Variants in FRY observed in about 807,000 individuals in gnomAD.
FRY encodes the protein FRY microtubule binding protein.
Under a neutral mutation model 348.4 loss-of-function variants are expected in FRY, and 128 were observed. That is an observed-to-expected ratio of 0.37 (90% CI 0.32 to 0.43). The LOEUF is 0.43. Among genes scored for constraint, FRY ranks in the 20% least tolerant of loss-of-function variants. The probability of loss-of-function intolerance (pLI) is 1.00; values close to 1 mark genes in which losing one functional copy is unlikely to be tolerated. For missense variants in FRY, 2,736 were observed against 3,695.2 expected, an observed-to-expected ratio of 0.74 and a Z score of 6.73; for synonymous variants, 1,370 against 1,374.7, an observed-to-expected ratio of 1.00 and a Z score of 0.08.
rs138115983 is a variant in FRY, at chr13:32,056,348, A to C, written c.71-22486A>C. Among the ~76,000 whole-genome samples the C allele has an allele frequency of 9.9e-4, 151 of 152,300 alleles. 1 individual carries two copies. Among genetic ancestry groups the C allele is most frequent in the Non-Finnish European group, 1.6e-3 (108 of 68,012 alleles). On this transcript the variant is annotated intron_variant, in intron 1 of 60. Transcript: ENST00000542859. ...GCTGCTTCACCAGTAGCTTGCTGTC[A>C]GAGGTACCCTGTGCCAAAACAAACC...
intron 3 of FRY, among the ~76,000 whole-genome samples, chr13:32,109,967 G>A (rs1390533573): frequency 6.6e-6 from 1 of 152,134 alleles, no homozygotes; most frequent in African/African-American, 2.4e-5. Context: ...TGCTCTCTAG[G>A]GCAGGGATGG....
chr13:32,045,765 A>G (rs1566042950), intron 1 of FRY, among the ~76,000 whole-genome samples: 1 of 152,186 alleles, frequency 6.6e-6, no homozygotes, highest in African/African-American at 2.4e-5. Flanking sequence ...ATGAGGTAGG[A>G]GTATTACTGT....
chr13:32,282,505 G>T (rs900927183), intron 58 of FRY, among the ~76,000 whole-genome samples: 3 of 152,210 alleles, frequency 2.0e-5, no homozygotes, highest in African/African-American at 7.2e-5. Flanking sequence ...ATATCAGTCT[G>T]TCAGAGATGG....
intron 1 of FRY, among the ~76,000 whole-genome samples, chr13:32,038,098 A>G (rs204128): frequency 0.024 from 3,671 of 152,214 alleles, 153 homozygotes; most frequent in African/African-American, 0.085. Flanking sequence ...TTAATTAGCT[A>G]GTTTCTTCTT....
chr13:32,216,508 C>T (rs1884999339), intron 35 of FRY, among the ~76,000 whole-genome samples: 1 of 152,168 alleles, frequency 6.6e-6, no homozygotes, highest in Admixed American at 6.5e-5. Flanking sequence ...GGGTGCAGGC[C>T]CTCCAGGGCA....
chr13:32,239,963 C>A lies in FRY; in HGVS notation c.6687+82C>A. ...TCTCAACTCTTGGGCTCAAGCAGTC[C>A]TCCTGCCTTCGCCTCCCAGAGTGCT... On this transcript the variant is annotated intron_variant, in intron 46 of 60. Coordinates refer to ENST00000542859, the MANE Select transcript of FRY (RefSeq NM_023037.3). The surrounding 1 kb of genome is among the most constrained non-coding windows in gnomAD (Gnocchi z 4.3). 8.1e-7 allele frequency: 1 copy of A among 1,229,818 alleles called. No homozygotes were observed. The allele number at this position is 1,229,818 out of a possible 1,614,324, so 76.2% of individuals were successfully genotyped here.
At chr13:32,061,145 A>G (rs768345190) in intron 1 of FRY, 4 of 533,442 alleles carry the variant, frequency 7.5e-6, no homozygotes, top group Non-Finnish European at 1.5e-5. Context: ...CTGTGTGATC[A>G]GCTTCATAAA....
At chr13:32,260,613 G>A (rs1196331159) in intron 51 of FRY, among the ~76,000 whole-genome samples, 1 of 152,162 alleles carries the variant, frequency 6.6e-6, no homozygotes, top group Non-Finnish European at 1.5e-5. Flanking sequence ...AGTGGCTCAC[G>A]CCTGTAATCT....
chr13:32,212,890 T>A (rs1240749600), intron 35 of FRY, among the ~76,000 whole-genome samples: 1 of 152,126 alleles, frequency 6.6e-6, no homozygotes, highest in African/African-American at 2.4e-5. Flanking sequence ...AATAATAATA[T>A]TTCCCCTATA....
At chr13:32,091,874 G>A (rs1411847288) in intron 2 of FRY, among the ~76,000 whole-genome samples, 1 of 152,158 alleles carries the variant, frequency 6.6e-6, no homozygotes, top group Non-Finnish European at 1.5e-5. Context: ...AAGTTGAGAG[G>A]ACCTAGGATT....
chr13:32,092,799 T>A (rs1394964541), intron 2 of FRY, among the ~76,000 whole-genome samples: 2 of 152,172 alleles, frequency 1.3e-5, no homozygotes, highest in Non-Finnish European at 2.9e-5. Flanking sequence ...AAATCCAGTC[T>A]GCAAATGGGG....
At chr13:32,211,229 G>A (rs1884666007) in intron 34 of FRY, among the ~76,000 whole-genome samples, 195 bp downstream of exon 34, 1 of 152,348 alleles carries the variant, frequency 6.6e-6, no homozygotes, top group Non-Finnish European at 1.5e-5. Context: ...CAGCACTTTG[G>A]GAGGCTGAGG....
chr13:32,292,817 T>TAAAC (rs1171890999), intron 59 of FRY, among the ~76,000 whole-genome samples: 1 of 151,344 alleles, frequency 6.6e-6, no homozygotes. Flanking sequence ...AATAAATAAA[T>TAAAC]AAATAAATAA....
In FRY at chr13:32,184,981, A is replaced by T; in HGVS notation, c.3152A>T (p.Asn1051Ile). ...ADAGVISDSTNGALERDTLAL... is the reference protein window; with the variant it reads ...ADAGVISDSTIGALERDTLAL... Reference sequence around the variant, plus strand: ...TTCATTTTCCTTTATTCCAGCACAAATGGAGCCCTAGAGCGGGATACTTTA... The same window carrying T: ...TTCATTTTCCTTTATTCCAGCACAATTGGAGCCCTAGAGCGGGATACTTTA... The change falls in exon 26 of 61, where the codon AAT (asparagine) becomes ATT (isoleucine). Residue 1051 changes from asparagine to isoleucine, a missense_variant. Physicochemically the swap from Asn to Ile is moderately radical, Grantham distance 149. Coordinates refer to ENST00000542859, the MANE Select transcript of FRY (RefSeq NM_023037.3). The T allele has an allele frequency of 1.2e-6, 2 of 1,613,614 alleles. No homozygotes were observed. Among genetic ancestry groups the T allele is most frequent in the African/African-American group, 2.7e-5 (2 of 75,030 alleles).
At chr13:32,219,759 A>C (rs1885217842) in intron 36 of FRY, among the ~76,000 whole-genome samples, 1 of 152,104 alleles carries the variant, frequency 6.6e-6, no homozygotes, top group African/African-American at 2.4e-5. Context: ...TTGGCGGTTC[A>C]ACATTTCCAC....
intron 41 of FRY, among the ~76,000 whole-genome samples, chr13:32,233,642 C>T (rs1886040931): frequency 6.6e-6 from 1 of 152,214 alleles, no homozygotes; most frequent in Admixed American, 6.5e-5. Flanking sequence ...CCACTAACAG[C>T]TTTCCTCTCT....
Position 32,295,326 on chromosome 13 carries a change from C to A in FRY, c.8908C>A (p.Gln2970Lys), listed in dbSNP as rs1889579342. 6.3e-7 allele frequency: 1 copy of A among 1,580,002 alleles called. No individual in the cohort carries two copies. The highest frequency in any genetic ancestry group is 1.1e-5 in the South Asian group (1 of 89,372). ...TGTYALVGSN[Q>K]SLTEICTKLM... Reference sequence around the variant, plus strand: ...TACTTATGCCCTGGTGGGGTCTAACCAGAGCCTGACCGAGATCTGCACCAA... The same window carrying A: ...TACTTATGCCCTGGTGGGGTCTAACAAGAGCCTGACCGAGATCTGCACCAA... Residue 2970 changes from glutamine (Q) to lysine (K), a missense_variant, in exon 61 of 61, where the codon CAG becomes AAG. This residue lies in a region of FRY where 157 missense variants were observed against 215.2 expected (regional missense o/e 0.73). Transcript: ENST00000542859.
Position 32,124,894 on chromosome 13 carries a change from C to A in FRY, c.716+19C>A. 6.4e-7 allele frequency: 1 copy of A among 1,556,252 alleles called. No individual in the cohort carries two copies. The highest frequency in any genetic ancestry group is 8.9e-7 in the Non-Finnish European group (1 of 1,127,188). On this transcript the variant is annotated intron_variant, in intron 7 of 60. Transcript: ENST00000542859. ...AAGCCAAGTAAGTGAATGCCAGAACCCTTTACCATGAGAACGTGCGTGCTT... is the reference window on the plus strand; with the variant it reads ...AAGCCAAGTAAGTGAATGCCAGAACACTTTACCATGAGAACGTGCGTGCTT...
intron 1 of FRY, among the ~76,000 whole-genome samples, chr13:32,051,199 G>A (rs61946669): frequency 0.015 from 2,216 of 152,226 alleles, 26 homozygotes; most frequent in Non-Finnish European, 0.023. Flanking sequence ...GAAAATGACC[G>A]TTTCCCTTTT....
Sources: gnomAD v4.1 joint callset for allele counts (sites outside exome capture counted in the v4.1 genomes callset) on GRCh38, gnomAD v4.1.1 for gene constraint, gnomAD v4.1.1 regional missense constraint, Gnocchi (gnomAD v3.1) non-coding constraint, MANE v1.5 for transcripts, NCBI Gene and HGNC (gene_info 2026-07-23, HGNC 2026-07-21) for gene names.